Variants in CDK17 observed in about 807,000 individuals in gnomAD.
CDK17 encodes cyclin-dependent kinase 17.
CDK17 carries 24 observed loss-of-function variants against 77.6 expected under a neutral mutation model. The ratio of observed to expected loss-of-function variants is 0.31; its 90% CI spans 0.22 to 0.44. CDK17 has a LOEUF of 0.44. Among genes scored for constraint, CDK17 ranks in the 20% least tolerant of loss-of-function variants. The probability of loss-of-function intolerance (pLI) is 1.00; values close to 1 mark genes in which losing one functional copy is unlikely to be tolerated. For missense variants in CDK17, 429 were observed against 622.5 expected (o/e 0.69, Z 3.31); for synonymous variants, 203 against 210.4 (o/e 0.96, Z 0.30).
chr12:96,303,304 T>A (rs571696289), intron 5 of CDK17: 3 of 152,282 alleles, frequency 2.0e-5, no homozygotes, highest in East Asian at 3.8e-4. Flanking sequence ...TTTTAAAAGT[T>A]TCACAGAAAC....
intron 1 of CDK17, among the ~76,000 whole-genome samples, chr12:96,345,871 T>A (rs767999291): frequency 2.6e-5 from 4 of 152,082 alleles, no homozygotes; most frequent in Non-Finnish European, 5.9e-5. Flanking sequence ...AATAAAAAAA[T>A]TAAGGAGTTA....
At chr12:96,327,935 A>C (rs1952912762) in intron 2 of CDK17, among the ~76,000 whole-genome samples, 1 of 152,202 alleles carries the variant, frequency 6.6e-6, no homozygotes, top group Non-Finnish European at 1.5e-5. Context: ...ATTGTGTATC[A>C]GTCACATTGA....
At chr12:96,399,870 A>T in intron 1 of CDK17, 116 bp downstream of exon 1, 72 of 244,722 alleles carry the variant, frequency 2.9e-4, no homozygotes, top group Middle Eastern at 2.5e-3. Flanking sequence ...ACCGGGCCTG[A>T]GCCACCCGCG....
chr12:96,386,235 A>T (rs1953972129), intron 1 of CDK17, among the ~76,000 whole-genome samples: 1 of 152,160 alleles, frequency 6.6e-6, no homozygotes, highest in African/African-American at 2.4e-5. Flanking sequence ...GGCTCAGGTG[A>T]TCTGCCCACC....
chr12:96,362,151 G>C (rs891634108), intron 1 of CDK17, among the ~76,000 whole-genome samples: 1 of 152,032 alleles, frequency 6.6e-6, no homozygotes, highest in African/African-American at 2.4e-5. Flanking sequence ...GTCCTTTCAT[G>C]GACTTTTTAA....
rs1285132908 is a variant in CDK17 at position 96,372,400 on chromosome 12, T to C, written c.-30+27586A>G. The stretch of plus-strand genomic sequence containing the variant: ...GATCTCAAAACTATAAAACTACCAT[T>C]ATCTTCAGAAAAGCTTTTTTTGTGA... On this transcript the variant is annotated intron_variant, in intron 1 of 16. Transcript: ENST00000261211. 2.0e-5 allele frequency among the ~76,000 whole-genome samples: 3 copies of C among 152,276 alleles called. No individual in the cohort carries two copies. In the South Asian group the frequency reaches 6.2e-4, roughly 32 times the overall value.
Position 96,334,749 on chromosome 12 carries a change from T to C in CDK17, c.88A>G (p.Thr30Ala), listed in dbSNP as rs770353534. The C allele has an allele frequency of 3.1e-6, 5 of 1,607,614 alleles. No individual in the cohort carries two copies. The highest frequency in any genetic ancestry group is 2.7e-5 in the African/African-American group (2 of 74,822). ...TCCTTGCTGCTGTTTTCTTCAATAG[T>C]CATTTGTTCAGCCAATTCAGACAAT... ...ESLSELAEQM[T>A]IEENSSKDNE... The change falls in exon 2 of 17, where the codon ACT (threonine) becomes GCT (alanine). Residue 30 changes from threonine (T) to alanine (A), a missense_variant. Physicochemically the swap from Thr to Ala is moderately conservative, Grantham distance 58. Transcript: ENST00000261211.
chr12:96,392,880 C>CA (rs1425249614), intron 1 of CDK17, among the ~76,000 whole-genome samples: 5 of 152,166 alleles, frequency 3.3e-5, no homozygotes, highest in African/African-American at 1.2e-4. Flanking sequence ...ACAGAATACT[C>CA]AGACAACCAA....
chr12:96,305,450 T>C (rs1952565074), intron 5 of CDK17, among the ~76,000 whole-genome samples: 1 of 152,214 alleles, frequency 6.6e-6, no homozygotes, highest in South Asian at 2.1e-4. Flanking sequence ...AGAAGAACTA[T>C]ATAATTTTTG....
At chr12:96,386,410 A>G (rs897925071) in intron 1 of CDK17, among the ~76,000 whole-genome samples, 4 of 152,202 alleles carry the variant, frequency 2.6e-5, no homozygotes, top group Admixed American at 6.5e-5. Context: ...GCACTTTGGG[A>G]GGCCAAGGTG....
In CDK17 at chr12:96,334,913, A is replaced by G. The variant is rs752284096; in HGVS notation, c.-29-48T>C. 1.1e-5 allele frequency: 9 copies of G among 789,742 alleles called. No individual in the cohort carries two copies. The Admixed American group carries it at 1.9e-4, about 16-fold the overall frequency. 48.9% of individuals were successfully genotyped at this position (789,742 alleles called of 1,614,324 possible). On this transcript the variant is annotated intron_variant, in intron 1 of 16. Transcript: ENST00000261211. ...AAACTAAAGCTATAAATATTTTACCACTGAAGAAAAATACCGCCTGGGTTT... is the reference window on the plus strand; with the variant it reads ...AAACTAAAGCTATAAATATTTTACCGCTGAAGAAAAATACCGCCTGGGTTT...
chr12:96,332,643 T>C (rs1952988940), intron 2 of CDK17, among the ~76,000 whole-genome samples: 1 of 152,208 alleles, frequency 6.6e-6, no homozygotes, highest in Non-Finnish European at 1.5e-5. Flanking sequence ...ATAAGCATAG[T>C]AGATTATGGT....
At chr12:96,389,093 G>A (rs1375112290) in intron 1 of CDK17, among the ~76,000 whole-genome samples, 1 of 151,352 alleles carries the variant, frequency 6.6e-6, no homozygotes, top group East Asian at 1.9e-4. Context: ...CTCCTGGGTA[G>A]CTGGAACTAC....
intron 1 of CDK17, among the ~76,000 whole-genome samples, chr12:96,395,184 T>C (rs1481301467): frequency 6.6e-6 from 1 of 152,132 alleles, no homozygotes; most frequent in African/African-American, 2.4e-5. Flanking sequence ...CATATAAATG[T>C]TTTAAATTTT....
At chr12:96,369,749 A>T (rs566215407) in intron 1 of CDK17, among the ~76,000 whole-genome samples, 82 of 152,314 alleles carry the variant, frequency 5.4e-4, no homozygotes, top group Non-Finnish European at 7.4e-4. Context: ...ACTGGGCTCC[A>T]GCCTGGGCGA....
intron 1 of CDK17, among the ~76,000 whole-genome samples, chr12:96,341,318 T>TAC (rs10656968): frequency 0.37 from 55,530 of 148,594 alleles, 10,552 homozygotes; most frequent in East Asian, 0.65. Flanking sequence ...ATCATATACA[T>TAC]ACACACACAC....
At chr12:96,298,372 T>C (rs1431130662) in intron 7 of CDK17, among the ~76,000 whole-genome samples, 12 of 152,190 alleles carry the variant, frequency 7.9e-5, no homozygotes, top group African/African-American at 7.2e-5. Flanking sequence ...GTCCCCAATA[T>C]TATAACATTC....
At chr12:96,324,252 G>T (rs907225915) in intron 2 of CDK17, 140 bp from the exon 3 acceptor site, 6 of 438,142 alleles carry the variant, frequency 1.4e-5, no homozygotes, top group Non-Finnish European at 3.9e-6. Flanking sequence ...ACTATACACA[G>T]TATTAAAATT....
chr12:96,308,751 A>ATAATAATAG lies in CDK17; in HGVS notation c.543+2300_543+2301insCTATTATTA, dbSNP rs1555200772. Among the ~76,000 whole-genome samples, 828 of 147,734 alleles carry ATAATAATAG rather than the reference A, an allele frequency of 5.6e-3. 6 individuals carry two copies. The highest frequency in any genetic ancestry group is 0.025 in the Middle Eastern group (7 of 280). On this transcript the variant is annotated intron_variant, in intron 5 of 16. Coordinates refer to ENST00000261211, the MANE Select transcript of CDK17 (RefSeq NM_002595.5). ...TCCAAAAATAATAATAATAATAATA[A>ATAATAATAG]TAATAATAATAATAATGTAAAAAAG...
Sources: gnomAD v4.1 joint callset for allele counts (sites outside exome capture counted in the v4.1 genomes callset) on GRCh38, gnomAD v4.1.1 for gene constraint, MANE v1.5 for transcripts, NCBI Gene and HGNC (gene_info 2026-07-23, HGNC 2026-07-21) for gene names.